PDLIM4: variants seen among roughly 807,000 people sequenced by gnomAD.
PDLIM4 encodes PDZ and LIM domain protein 4.
A neutral mutation model predicts 31.3 loss-of-function variants in PDLIM4; 19 were observed. That is an observed-to-expected ratio of 0.61 (90% CI 0.42 to 0.89). The LOEUF is 0.89. PDLIM4 is among the 40% of genes least tolerant of loss of function. PDLIM4 has a pLI of 0.00. For synonymous variants in PDLIM4, 176 were observed against 190.1 expected (o/e 0.93, Z 0.61); for missense variants, 442 against 461.1 (o/e 0.96, Z 0.38).
rs763319377 is a variant in PDLIM4, at chr5:132,262,766, C to T, written c.245+6C>T. On this transcript the variant is annotated splice_donor_region_variant and intron_variant, in intron 2 of 6. Coordinates refer to ENST00000253754, the MANE Select transcript of PDLIM4 (RefSeq NM_003687.4). ...CTCACACTGTCTGTGAGCAGGTATGCACAGGTGGGCTGGGCTGGGAGGATG... is the reference window on the plus strand; with the variant it reads ...CTCACACTGTCTGTGAGCAGGTATGTACAGGTGGGCTGGGCTGGGAGGATG... 9.9e-6 allele frequency: 16 copies of T among 1,608,798 alleles called. No homozygotes were observed. The highest frequency in any genetic ancestry group is 1.3e-5 in the Non-Finnish European group (15 of 1,176,946).
chr5:132,270,851 G>A, intron 3 of PDLIM4, 64 bp from the exon 4 acceptor site: 1 of 1,428,578 alleles, frequency 7.0e-7, no homozygotes, highest in Non-Finnish European at 9.8e-7. Flanking sequence ...GGGTGGGGGT[G>A]GGGTGAACAA....
chr5:132,263,981 A>G (rs903137799), intron 2 of PDLIM4, among the ~76,000 whole-genome samples: 3 of 152,134 alleles, frequency 2.0e-5, no homozygotes, highest in African/African-American at 7.2e-5. Flanking sequence ...CCTCCTCCAG[A>G]CTGAGATACA....
intron 2 of PDLIM4, among the ~76,000 whole-genome samples, chr5:132,263,404 C>T (rs1435042375): frequency 6.6e-6 from 1 of 151,904 alleles, no homozygotes; most frequent in Non-Finnish European, 1.5e-5. Flanking sequence ...AAAGTTCCCA[C>T]TAAGGACTGT....
At chr5:132,262,949 A>G (rs1393896665) in intron 2 of PDLIM4, among the ~76,000 whole-genome samples, 189 bp downstream of exon 2, 1 of 152,232 alleles carries the variant, frequency 6.6e-6, no homozygotes, top group African/African-American at 2.4e-5. Context: ...GTTATAGCTT[A>G]AGAAGGGAAG....
chr5:132,259,290 G>T (rs927814135), intron 1 of PDLIM4, among the ~76,000 whole-genome samples: 2 of 152,120 alleles, frequency 1.3e-5, no homozygotes, highest in African/African-American at 4.8e-5. Context: ...CAGTGGCGGC[G>T]GCTGACGGCT....
chr5:132,266,585 G>T, intron 3 of PDLIM4, 40 bp downstream of exon 3: 1 of 1,426,218 alleles, frequency 7.0e-7, no homozygotes, highest in Non-Finnish European at 9.9e-7. Context: ...GGCTCAGAGT[G>T]AGCCCAGGGC....
In PDLIM4 at chr5:132,266,558, A is replaced by G; in HGVS notation, c.327+13A>G. ...TCCTGAGATCCAGGTATGTACAGAC[A>G]CTGCCTGGCCTGGCCTGGCTCAGAG... On this transcript the variant is annotated intron_variant, in intron 3 of 6. Transcript: ENST00000253754. 2 of 1,592,514 alleles carry G rather than the reference A, an allele frequency of 1.3e-6. No individual in the cohort carries two copies. Among genetic ancestry groups the G allele is most frequent in the Non-Finnish European group, 1.7e-6 (2 of 1,161,464 alleles).
intron 3 of PDLIM4, among the ~76,000 whole-genome samples, chr5:132,268,819 C>G (rs1489575026): frequency 6.6e-6 from 1 of 152,120 alleles, no homozygotes; most frequent in Non-Finnish European, 1.5e-5. Flanking sequence ...CAGGTAGTTA[C>G]CCCCATCCTG....
rs780290033 is a variant in PDLIM4, at chr5:132,270,930, A to G, written c.343A>G (p.Thr115Ala). ...DPEIQDGSPT[T>A]SRRPSGTGTG... ...TCTCTAATAGGACGGCAGCCCAACA[A>G]CCAGCAGGCGGCCCTCAGGCACCGG... Residue 115 changes from threonine to alanine, a missense_variant, in exon 4 of 7, where the codon ACC becomes GCC. By Grantham distance (58) the Thr-to-Ala change is moderately conservative (BLOSUM62 0). Transcript: ENST00000253754. 6.2e-7 allele frequency: 1 copy of G among 1,614,048 alleles called. No homozygotes were observed. Among genetic ancestry groups the G allele is most frequent in the Non-Finnish European group, 8.5e-7 (1 of 1,179,960 alleles).
At chr5:132,267,734 G>C (rs1756521421) in intron 3 of PDLIM4, among the ~76,000 whole-genome samples, 1 of 152,194 alleles carries the variant, frequency 6.6e-6, no homozygotes, top group Non-Finnish European at 1.5e-5. Flanking sequence ...GAAGGAGTGA[G>C]AGGACAGAGG....
intron 3 of PDLIM4, among the ~76,000 whole-genome samples, chr5:132,268,642 G>A (rs1561522730): frequency 6.6e-6 from 1 of 152,160 alleles, no homozygotes; most frequent in Admixed American, 6.5e-5. Context: ...TGGCAATTAT[G>A]CTCAGAACCA....
chr5:132,272,353 C>G lies in PDLIM4; in HGVS notation c.*124C>G. On this transcript the variant is annotated 3_prime_UTR_variant, in exon 7 of 7. Coordinates refer to ENST00000253754, the MANE Select transcript of PDLIM4 (RefSeq NM_003687.4). ...TTGAACCTGTCACCTGGCCTGCCAC[C>G]CTCCTGCGCAGGCCATGCATGGCTC... The G allele has an allele frequency of 1.3e-6, 1 of 784,088 alleles. No individual in the cohort carries two copies. Among genetic ancestry groups the G allele is most frequent in the Non-Finnish European group, 2.1e-6 (1 of 469,132 alleles). 48.6% of individuals were successfully genotyped at this position (784,088 alleles called of 1,614,324 possible). A position where few individuals can be genotyped will look rare whatever the true frequency, so the allele number is the denominator to read the frequency against.
intron 1 of PDLIM4, among the ~76,000 whole-genome samples, chr5:132,260,335 G>A (rs959985449): frequency 1.3e-5 from 2 of 152,138 alleles, no homozygotes; most frequent in African/African-American, 2.4e-5. Context: ...GGAGCTAGAC[G>A]GATCGGCCTG....
intron 3 of PDLIM4, among the ~76,000 whole-genome samples, chr5:132,268,530 G>T (rs1422717348): frequency 6.6e-6 from 1 of 152,252 alleles, no homozygotes; most frequent in Non-Finnish European, 1.5e-5. Context: ...CTTCTCTCAG[G>T]CCTCTTGTGG....
Position 132,272,979 on chromosome 5 carries a change from C to G in PDLIM4, c.*750C>G, listed in dbSNP as rs1222098481. On this transcript the variant is annotated 3_prime_UTR_variant, in exon 7 of 7. Coordinates refer to ENST00000253754, the MANE Select transcript of PDLIM4 (RefSeq NM_003687.4). Reference sequence around the variant, plus strand: ...GAAGGAAGGTTTAGAAAGAAAAGAACACTTGCCCAGGGCAGCTTTGCCCTC... The same window carrying G: ...GAAGGAAGGTTTAGAAAGAAAAGAAGACTTGCCCAGGGCAGCTTTGCCCTC... 1 of 152,482 alleles carries G rather than the reference C, an allele frequency of 6.6e-6. No homozygotes were observed. The highest frequency in any genetic ancestry group is 2.4e-5 in the African/African-American group (1 of 41,424). The allele number at this position is 152,482 out of a possible 1,614,324, so 9.4% of individuals were successfully genotyped here.
intron 1 of PDLIM4, among the ~76,000 whole-genome samples, chr5:132,260,959 G>A (rs987246069): frequency 5.9e-5 from 9 of 152,182 alleles, no homozygotes; most frequent in African/African-American, 1.2e-4. Context: ...TCATCCTGCC[G>A]CAGTTAGCCG....
chr5:132,260,830 C>T (rs77731699), intron 1 of PDLIM4, among the ~76,000 whole-genome samples: 355 of 152,300 alleles, frequency 2.3e-3, no homozygotes, highest in African/African-American at 8.1e-3. Flanking sequence ...CTTGGCCTCA[C>T]GCCCTCTCTG....
At chr5:132,260,988 C>T (rs1322687165) in intron 1 of PDLIM4, among the ~76,000 whole-genome samples, 3 of 152,236 alleles carry the variant, frequency 2.0e-5, no homozygotes, top group Non-Finnish European at 4.4e-5. Context: ...AGAAAGACTC[C>T]TCTCCAGTGT....
At chr5:132,258,159 A>G (rs1756287122) in intron 1 of PDLIM4, among the ~76,000 whole-genome samples, 1 of 152,218 alleles carries the variant, frequency 6.6e-6, no homozygotes. Flanking sequence ...ACAGAGGCCC[A>G]GAAACTCTTC....
Sources: gnomAD v4.1 joint callset for allele counts (sites outside exome capture counted in the v4.1 genomes callset) on GRCh38, gnomAD v4.1.1 for gene constraint, MANE v1.5 for transcripts, NCBI Gene and HGNC (gene_info 2026-07-23, HGNC 2026-07-21) for gene names.